GSTA5: variants seen among roughly 807,000 people sequenced by gnomAD.
GSTA5 encodes the protein glutathione S-transferase alpha 5, also known as glutathione S-transferase A5.
A neutral mutation model predicts 21.8 loss-of-function variants in GSTA5; 25 were observed. The ratio of observed to expected loss-of-function variants is 1.14; its 90% CI spans 0.83 to 1.60. The LOEUF (loss-of-function observed/expected upper bound fraction) is 1.60. GSTA5 is among the 40% of genes most tolerant of loss of function. The probability of loss-of-function intolerance (pLI) is 0.00; values close to 1 mark genes in which losing one functional copy is unlikely to be tolerated. For missense variants in GSTA5, 330 were observed against 259.2 expected, an observed-to-expected ratio of 1.27 and a Z score of -1.88; for synonymous variants, 102 against 89.5, an observed-to-expected ratio of 1.14 and a Z score of -0.78.
upstream of GSTA5, among the ~76,000 whole-genome samples, chr6:52,843,435 T>A (rs1188181427): frequency 6.6e-6 from 1 of 152,232 alleles, no homozygotes; most frequent in Admixed American, 6.5e-5. Flanking sequence ...TTTTTAATGA[T>A]CGCCATTCTA....
At chr6:52,845,767 A>C (rs1466018087), upstream of GSTA5, among the ~76,000 whole-genome samples, 12 of 152,200 alleles carry the variant, frequency 7.9e-5, no homozygotes, top group Admixed American at 7.9e-4. Context: ...GATTATTCTC[A>C]GATTGTTTAA....
chr6:52,831,779 T>C (rs907906306), exon 6 of GSTA5: 3 of 1,581,194 alleles, frequency 1.9e-6, no homozygotes, highest in Middle Eastern at 1.7e-4. Flanking sequence ...CACACTTAGG[T>C]AAAGCACTTC....
intron 1 of GSTA5, among the ~76,000 whole-genome samples, chr6:52,839,528 C>G (rs1473082587): frequency 6.6e-6 from 1 of 152,204 alleles, no homozygotes; most frequent in African/African-American, 2.4e-5. Flanking sequence ...TGAAGCAACG[C>G]ACAAAGTACC....
chr6:52,835,725 C>T (rs1764283172), intron 3 of GSTA5, among the ~76,000 whole-genome samples: 2 of 152,170 alleles, frequency 1.3e-5, no homozygotes, highest in African/African-American at 4.8e-5. Flanking sequence ...CCCCAGCATC[C>T]TGGGCACCAG....
chr6:52,839,805 T>G (rs1764346754), intron 1 of GSTA5, among the ~76,000 whole-genome samples: 1 of 152,242 alleles, frequency 6.6e-6, no homozygotes, highest in Non-Finnish European at 1.5e-5. Context: ...AGGCATTTCC[T>G]ACTCAAACAC....
At chr6:52,836,679 T>G (rs1764298908) in intron 2 of GSTA5, among the ~76,000 whole-genome samples, 1 of 152,102 alleles carries the variant, frequency 6.6e-6, no homozygotes, top group South Asian at 2.1e-4. Flanking sequence ...ACCCAGCTAA[T>G]TTTTGTATTT....
In GSTA5 at chr6:52,832,970, T is replaced by G. The variant is rs766876198; in HGVS notation, c.435A>C (p.Gln145His). Residue 145 changes from glutamine (Q) to histidine (H), a missense_variant, in exon 5 of 6, where the codon CAA becomes CAC. Transcript: ENST00000370989. ...TCAGCTTGTTGCCAACAAGGTAGTC[T>G]TGTCTGTGGCTCTTTAAGACCTGGA... 33 of 1,613,952 alleles carry G rather than the reference T, an allele frequency of 2.0e-5. No individual in the cohort carries two copies. The highest frequency in any genetic ancestry group is 2.8e-5 in the Non-Finnish European group (33 of 1,179,972).
chr6:52,833,259 C>T (rs1339808971), intron 4 of GSTA5, among the ~76,000 whole-genome samples: 3 of 152,220 alleles, frequency 2.0e-5, no homozygotes, highest in African/African-American at 7.2e-5. Flanking sequence ...TTGCTTCTTC[C>T]ACATGCGCCA....
rs1471885492 is a variant in GSTA5 at position 52,832,924 on chromosome 6, C to T, written c.481G>A (p.Val161Met). 5 of 1,614,016 alleles carry T rather than the reference C, an allele frequency of 3.1e-6. No individual in the cohort carries two copies. In the African/African-American group the frequency reaches 4.0e-5, roughly 13 times the overall value. Residue 161 changes from valine (V) to methionine (M), a missense_variant, in exon 5 of 6, where the codon GTG becomes ATG. By Grantham distance (21) the Val-to-Met change is conservative (BLOSUM62 1). Transcript: ENST00000370989. ...TCTTCCACGTAGTAGAAAAGTTCCA[C>T]CAGGTGAATGTCAGCCCAGCTCAGC...
upstream of GSTA5, among the ~76,000 whole-genome samples, chr6:52,841,092 C>T (rs1238259816): frequency 4.6e-5 from 7 of 152,140 alleles, no homozygotes; most frequent in Non-Finnish European, 8.8e-5. Context: ...GGTAATAATA[C>T]ATGTACAGGA....
intron 1 of GSTA5, among the ~76,000 whole-genome samples, chr6:52,839,678 T>C (rs1026159836): frequency 1.3e-5 from 2 of 152,142 alleles, no homozygotes; most frequent in Non-Finnish European, 2.9e-5. Context: ...TGTCCATGAC[T>C]CACTTCCCAG....
chr6:52,836,914 A>G (rs1238795967), intron 2 of GSTA5, among the ~76,000 whole-genome samples: 1 of 152,148 alleles, frequency 6.6e-6, no homozygotes. Flanking sequence ...TTTCCCCTCC[A>G]GATACATAGC....
rs377236063 is a variant in GSTA5, at chr6:52,833,001, G to A, written c.415-11C>T. Reference sequence around the variant, plus strand: ...GTGGCTCTTTAAGACCTGGAGAATTGGAGGAATCAGATCAGGAACACATGC... The same window carrying A: ...GTGGCTCTTTAAGACCTGGAGAATTAGAGGAATCAGATCAGGAACACATGC... On this transcript the variant is annotated splice_polypyrimidine_tract_variant and intron_variant, in intron 4 of 5. Transcript: ENST00000370989. 1.2e-6 allele frequency: 2 copies of A among 1,613,874 alleles called. No individual in the cohort carries two copies. The highest frequency in any genetic ancestry group is 2.7e-5 in the African/African-American group (2 of 74,996).
At chr6:52,837,914 C>T (rs1581817398) in intron 1 of GSTA5, among the ~76,000 whole-genome samples, 1 of 152,182 alleles carries the variant, frequency 6.6e-6, no homozygotes, top group East Asian at 1.9e-4. Context: ...AGCAGTTCTC[C>T]TAGTTATGGT....
At chr6:52,834,339 T>C in intron 3 of GSTA5, 57 bp from the exon 4 acceptor site, 1 of 1,541,064 alleles carries the variant, frequency 6.5e-7, no homozygotes. Context: ...TTTTATAGGT[T>C]TATAAAAACC....
At chr6:52,834,171 T>A (rs1581815194) in exon 4 of GSTA5, 4 of 1,614,084 alleles carry the variant, frequency 2.5e-6, no homozygotes, top group Non-Finnish European at 3.4e-6. Flanking sequence ...AGCGATTTTT[T>A]ATTTTCTCTT....
At chr6:52,835,772 A>G (rs1483052043) in intron 3 of GSTA5, among the ~76,000 whole-genome samples, 2 of 152,008 alleles carry the variant, frequency 1.3e-5, no homozygotes, top group African/African-American at 2.4e-5. Flanking sequence ...TGGCCCATAT[A>G]ATTGGTTGGT....
chr6:52,845,001 C>T (rs978104360), upstream of GSTA5, among the ~76,000 whole-genome samples: 1 of 152,094 alleles, frequency 6.6e-6, no homozygotes, highest in African/African-American at 2.4e-5. Flanking sequence ...TCTGTCTCTT[C>T]ATCATCTATT....
intron 4 of GSTA5, among the ~76,000 whole-genome samples, chr6:52,833,217 C>T (rs1382042609): frequency 6.6e-6 from 1 of 152,206 alleles, no homozygotes; most frequent in Non-Finnish European, 1.5e-5. Flanking sequence ...TTCTCATCCA[C>T]ATCACTGTGG....
Sources: allele counts gnomAD v4.1 joint callset (sites outside exome capture counted in the v4.1 genomes callset), GRCh38; gene constraint gnomAD v4.1.1; transcripts MANE v1.5; gene names NCBI Gene and HGNC (gene_info 2026-07-23, HGNC 2026-07-21).